Variants in LRBA observed in about 807,000 individuals in gnomAD.
LRBA encodes lipopolysaccharide-responsive and beige-like anchor protein.
In LRBA, 176 loss-of-function variants were observed where a neutral mutation model predicts 330.0. That is an observed-to-expected ratio of 0.53 (90% CI 0.47 to 0.60). The LOEUF (loss-of-function observed/expected upper bound fraction) is 0.60, where lower values mean the gene tolerates loss of function less well. LRBA is among the 20% of genes least tolerant of loss of function. The probability of loss-of-function intolerance (pLI) is 0.00; values close to 1 mark genes in which losing one functional copy is unlikely to be tolerated. For synonymous variants in LRBA, 1,230 were observed against 1,193.0 expected (o/e 1.03, Z -0.64); for missense variants, 3,259 against 3,444.8 (o/e 0.95, Z 1.35).
intron 37 of LRBA, among the ~76,000 whole-genome samples, chr4:150,608,101 C>T (rs1774852329): frequency 6.6e-6 from 1 of 152,050 alleles, no homozygotes; most frequent in African/African-American, 2.4e-5. Flanking sequence ...GTCCCAGCTA[C>T]TTGGGAAGCA....
At chr4:150,938,175 T>C (rs1735289272) in intron 2 of LRBA, among the ~76,000 whole-genome samples, 1 of 152,038 alleles carries the variant, frequency 6.6e-6, no homozygotes, top group Non-Finnish European at 1.5e-5. Flanking sequence ...AGTTAACACC[T>C]GTCTAAAAAT....
chr4:150,412,834 G>T (rs191736963), intron 47 of LRBA, among the ~76,000 whole-genome samples: 4 of 151,110 alleles, frequency 2.6e-5, no homozygotes, highest in Admixed American at 1.3e-4. Context: ...AGGATATTTT[G>T]TATCTTTTAT....
At chr4:150,674,656 C>CA (rs1252976914) in intron 37 of LRBA, among the ~76,000 whole-genome samples, 1 of 152,112 alleles carries the variant, frequency 6.6e-6, no homozygotes, top group Non-Finnish European at 1.5e-5. Context: ...GCAGGAGGAT[C>CA]ACTTGAGGCC....
intron 40 of LRBA, among the ~76,000 whole-genome samples, chr4:150,575,272 TTTGTTG>T (rs1245445093): frequency 6.6e-6 from 1 of 151,960 alleles, no homozygotes; most frequent in Non-Finnish European, 1.5e-5. Flanking sequence ...AATGAAGCAT[TTTGTTG>T]TTGTTGTTTA....
chr4:150,737,162 G>A (rs190522032), intron 35 of LRBA, among the ~76,000 whole-genome samples: 59 of 152,212 alleles, frequency 3.9e-4, no homozygotes, highest in African/African-American at 1.4e-3. Context: ...AAGTTATAGT[G>A]AGCTATGATC....
chr4:150,450,915 T>G (rs1172298140), intron 44 of LRBA, among the ~76,000 whole-genome samples: 1 of 151,840 alleles, frequency 6.6e-6, no homozygotes. Context: ...CCTGTAATCC[T>G]AGCTACTCAA....
At chr4:150,896,228 T>C (rs1032960692) in intron 16 of LRBA, among the ~76,000 whole-genome samples, 166 bp downstream of exon 16, 5 of 152,140 alleles carry the variant, frequency 3.3e-5, no homozygotes, top group African/African-American at 1.2e-4. Context: ...CTTGTGGTAA[T>C]AAAGGATATT....
At position 150,321,938 on chromosome 4, in the gene LRBA, A is replaced by T. The variant is rs1732569909; in HGVS notation, c.7453-570T>A. Among the ~76,000 whole-genome samples, 1 of 152,228 alleles carries T rather than the reference A, an allele frequency of 6.6e-6. No homozygotes were observed. Among genetic ancestry groups the T allele is most frequent in the Non-Finnish European group, 1.5e-5 (1 of 68,040 alleles). On this transcript the variant is annotated intron_variant, in intron 49 of 56. Coordinates refer to ENST00000651943, the MANE Select transcript of LRBA (RefSeq NM_001364905.1). The surrounding 1 kb of genome is among the most constrained non-coding windows in gnomAD (Gnocchi z 4.5). Reference sequence around the variant, plus strand: ...CTGCATGCATATATTATTACAGTAGAGAAATAACTTATGAACGTAATATAC... The same window carrying T: ...CTGCATGCATATATTATTACAGTAGTGAAATAACTTATGAACGTAATATAC...
rs77651431 is a variant in LRBA at position 150,716,505 on chromosome 4, G to A, written c.5754+18753C>T. ...TCAAAAACAAAAAGCAAAATCCAACGAAGATAAACAGATGTTCAAGCTAAA... is the reference window on the plus strand; with the variant it reads ...TCAAAAACAAAAAGCAAAATCCAACAAAGATAAACAGATGTTCAAGCTAAA... On this transcript the variant is annotated intron_variant, in intron 36 of 56. Transcript: ENST00000651943. 6.4e-4 allele frequency among the ~76,000 whole-genome samples: 98 copies of A among 152,214 alleles called. No individual in the cohort carries two copies. The South Asian group carries it at 0.01, about 16-fold the overall frequency.
At chr4:150,741,836 A>G (rs935011195) in intron 35 of LRBA, among the ~76,000 whole-genome samples, 6 of 152,274 alleles carry the variant, frequency 3.9e-5, no homozygotes, top group Admixed American at 2.0e-4. Flanking sequence ...TGGTATTAGA[A>G]GTTAAGAGAT....
chr4:150,342,203 T>C (rs1413246853), intron 48 of LRBA, among the ~76,000 whole-genome samples: 1 of 152,028 alleles, frequency 6.6e-6, no homozygotes, highest in Non-Finnish European at 1.5e-5. Context: ...CTTAATAAGA[T>C]TGTGTTTGAA....
chr4:150,582,517 G>A (rs1771510144), intron 40 of LRBA: 1 of 159,246 alleles, frequency 6.3e-6, no homozygotes, highest in Admixed American at 5.9e-5. Context: ...TACACTGAGC[G>A]AAGAAGTCCT....
intron 33 of LRBA, among the ~76,000 whole-genome samples, chr4:150,805,035 T>A (rs1415245200): frequency 1.3e-5 from 2 of 152,112 alleles, no homozygotes; most frequent in African/African-American, 2.4e-5. Flanking sequence ...TTCAACTCAT[T>A]ATTTAAGAAA....
intron 52 of LRBA, among the ~76,000 whole-genome samples, chr4:150,304,155 A>G (rs1362054696): frequency 6.6e-6 from 1 of 152,202 alleles, no homozygotes; most frequent in East Asian, 1.9e-4. Context: ...GCTGAAAATT[A>G]AATTAATATG....
chr4:150,992,315 CA>C (rs11444108), intron 2 of LRBA, among the ~76,000 whole-genome samples: 27 of 133,298 alleles, frequency 2.0e-4, no homozygotes, highest in Admixed American at 2.9e-4. Flanking sequence ...GACTCCGTCT[CA>C]AAAAAAAAAA....
intron 37 of LRBA, among the ~76,000 whole-genome samples, chr4:150,667,428 T>C (rs985397882): frequency 7.9e-5 from 12 of 152,216 alleles, no homozygotes; most frequent in Admixed American, 7.2e-4. Flanking sequence ...AATTTGGAGA[T>C]GCTATGCTGC....
At chr4:151,014,340 T>G in intron 2 of LRBA, 87 bp downstream of exon 2, 1 of 1,058,992 alleles carries the variant, frequency 9.4e-7, no homozygotes, top group Non-Finnish European at 1.4e-6. Flanking sequence ...ACCATCAGTG[T>G]GAGTAAACCA....
chr4:150,918,543 G>A (rs1343308103), intron 5 of LRBA, among the ~76,000 whole-genome samples: 1 of 152,188 alleles, frequency 6.6e-6, no homozygotes, highest in Non-Finnish European at 1.5e-5. Flanking sequence ...CAGGTCAGGA[G>A]TTGAAGACCA....
chr4:150,910,547 C>T (rs956751133), intron 9 of LRBA, among the ~76,000 whole-genome samples: 5 of 152,092 alleles, frequency 3.3e-5, no homozygotes, highest in African/African-American at 4.8e-5. Flanking sequence ...GCAAGTCTAA[C>T]GTTGTTTTCA....
Sources: allele counts gnomAD v4.1 joint callset (sites outside exome capture counted in the v4.1 genomes callset), GRCh38; gene constraint gnomAD v4.1.1; non-coding constraint Gnocchi (gnomAD v3.1); transcripts MANE v1.5; gene names NCBI Gene and HGNC (gene_info 2026-07-23, HGNC 2026-07-21).